SLC13A5: variants seen among roughly 807,000 people sequenced by gnomAD.
SLC13A5 encodes solute carrier family 13 member 5.
Under a neutral mutation model 56.5 loss-of-function variants are expected in SLC13A5, and 25 were observed. The observed-to-expected ratio is 0.44, with a 90% CI of 0.32 to 0.62. The LOEUF (loss-of-function observed/expected upper bound fraction) is 0.62, where lower values mean the gene tolerates loss of function less well. Ranked by LOEUF, SLC13A5 falls within the 20% of genes least tolerant of loss-of-function variation. The pLI is 0.04. For synonymous variants in SLC13A5, 307 were observed against 301.5 expected, an observed-to-expected ratio of 1.02 and a Z score of -0.19; for missense variants, 649 against 737.8, an observed-to-expected ratio of 0.88 and a Z score of 1.39.
In SLC13A5 at chr17:6,692,376, A is replaced by C. The variant is rs1973437210; in HGVS notation, c.1275+668T>G. 6.6e-6 allele frequency among the ~76,000 whole-genome samples: 1 copy of C among 152,108 alleles called. No homozygotes were observed. The highest frequency in any genetic ancestry group is 2.4e-5 in the African/African-American group (1 of 41,408). On this transcript the variant is annotated intron_variant, in intron 9 of 11. Coordinates refer to ENST00000433363, the MANE Select transcript of SLC13A5 (RefSeq NM_177550.5). The surrounding 1 kb of genome is among the most constrained non-coding windows in gnomAD (Gnocchi z 5.5). ...GATGGATTTGTTCACCTCCGCAAAA[A>C]CTTAGCACCCACTAGGCACCAGGCT... is the stretch of plus-strand genomic sequence containing the variant.
Position 6,687,565 on chromosome 17 carries a change from G to C in SLC13A5, c.1539C>G (p.Ile513Met). Residue 513 changes from isoleucine (I) to methionine (M), a missense_variant, in exon 11 of 12, where the codon ATC (isoleucine) becomes ATG (methionine). Coordinates refer to ENST00000433363, the MANE Select transcript of SLC13A5 (RefSeq NM_177550.5). The surrounding 1 kb of genome is among the most constrained non-coding windows in gnomAD (Gnocchi z 5.0). ...CCTTGAGGTGCCCATAGGTGAACAC[G>C]ATGGCATTTGGAGGGGTGGCCACAG... ...MLPVATPPNA[I>M]VFTYGHLKVA... is the part of the protein sequence containing the mutation. 6.2e-7 allele frequency: 1 copy of C among 1,613,858 alleles called. No individual in the cohort carries two copies. The highest frequency in any genetic ancestry group is 1.1e-5 in the South Asian group (1 of 90,972).
rs577711047 is a variant in SLC13A5 at position 6,701,410 on chromosome 17, C to T, written c.717-284G>A. Among the ~76,000 whole-genome samples, 4 of 152,308 alleles carry T rather than the reference C, an allele frequency of 2.6e-5. No homozygotes were observed. The highest frequency in any genetic ancestry group is 9.6e-5 in the African/African-American group (4 of 41,572). On this transcript the variant is annotated intron_variant, in intron 5 of 11. Transcript: ENST00000433363. This position sits in a 1 kb window ranked among gnomAD's most constrained non-coding sequence, Gnocchi z 4.1. Reference sequence around the variant, plus strand: ...CTCATGGAAGTTATGGCCCATCCCTCCAGAAAAATACAACTTTGTGGCCGG... The same window carrying T: ...CTCATGGAAGTTATGGCCCATCCCTTCAGAAAAATACAACTTTGTGGCCGG...
At chr17:6,690,673 C>T in intron 10 of SLC13A5, 106 bp downstream of exon 10, 2 of 1,517,084 alleles carry the variant, frequency 1.3e-6, no homozygotes, top group South Asian at 1.2e-5. Flanking sequence ...GTCTCCAAAG[C>T]CTGGTCTGAG....
At chr17:6,702,469 C>T (rs917385781) in intron 5 of SLC13A5, among the ~76,000 whole-genome samples, 1 of 152,218 alleles carries the variant, frequency 6.6e-6, no homozygotes, top group African/African-American at 2.4e-5. Flanking sequence ...GACCCAACCC[C>T]AGCCCTTCAT....
Position 6,693,208 on chromosome 17 carries a change from C to T in SLC13A5, c.1157-46G>A. The T allele has an allele frequency of 5.3e-6, 5 of 952,380 alleles. No homozygotes were observed. The East Asian group carries it at 1.0e-4, about 20-fold the overall frequency. The allele number at this position is 952,380 out of a possible 1,614,324, so 59.0% of individuals were successfully genotyped here. Reference sequence around the variant, plus strand: ...ACACACACACACACACACACACACACACACACACACACACACACACACCAG... The same window carrying T: ...ACACACACACACACACACACACACATACACACACACACACACACACACCAG... On this transcript the variant is annotated intron_variant, in intron 8 of 11. Transcript: ENST00000433363.
At position 6,686,192 on chromosome 17, in the gene SLC13A5, G is replaced by A; in HGVS notation, c.*15C>T. The A allele has an allele frequency of 1.9e-6, 3 of 1,614,102 alleles. No homozygotes were observed. Among genetic ancestry groups the A allele is most frequent in the Non-Finnish European group, 2.5e-6 (3 of 1,179,982 alleles). On this transcript the variant is annotated 3_prime_UTR_variant, in exon 12 of 12. Coordinates refer to ENST00000433363, the MANE Select transcript of SLC13A5 (RefSeq NM_177550.5). Reference sequence around the variant, plus strand: ...GAGGAGGGTAAGGGCTGTGTGTGTGGTCTTGTGGCTCTTCCTAAGTCTCAA... The same window carrying A: ...GAGGAGGGTAAGGGCTGTGTGTGTGATCTTGTGGCTCTTCCTAAGTCTCAA...
In SLC13A5 at chr17:6,694,195, T is replaced by C. The variant is rs1202144008; in HGVS notation, c.1058A>G (p.Tyr353Cys). ...GATGGCCACAGTGGCATCGGAGACATACCTAGGTGGGGAAAAGCACAGCTC... is the reference window on the plus strand; with the variant it reads ...GATGGCCACAGTGGCATCGGAGACACACCTAGGTGGGGAAAAGCACAGCTC... ...TVAWVEGETK[Y>C]VSDATVAIFV... The change falls in exon 8 of 12, where the codon TAT becomes TGT. Residue 353 changes from tyrosine to cysteine, a missense_variant and splice_region_variant. Coordinates refer to ENST00000433363, the MANE Select transcript of SLC13A5 (RefSeq NM_177550.5). 3.7e-6 allele frequency: 6 copies of C among 1,601,908 alleles called. No individual in the cohort carries two copies. In the South Asian group the frequency reaches 6.6e-5, roughly 18 times the overall value.
intron 1 of SLC13A5, among the ~76,000 whole-genome samples, chr17:6,708,993 CTTT>C (rs575087645): frequency 4.5e-5 from 6 of 133,008 alleles, no homozygotes; most frequent in African/African-American, 5.5e-5. Context: ...TCTTTTATTT[CTTT>C]TTTTTTTTTT....
Position 6,685,567 on chromosome 17 carries a change from G to A in SLC13A5, c.*640C>T, listed in dbSNP as rs1235146958. 1 of 153,634 alleles carries A rather than the reference G, an allele frequency of 6.5e-6. No individual in the cohort carries two copies. The highest frequency in any genetic ancestry group is 1.4e-5 in the Non-Finnish European group (1 of 68,994). 9.5% of individuals were successfully genotyped at this position (153,634 alleles called of 1,614,324 possible). The stretch of plus-strand genomic sequence containing the variant: ...TGGTGCACTGTGGGTGGCAAGCCAG[G>A]TGTCGTCCTGAAGTTGGCAACTCAG... On this transcript the variant is annotated 3_prime_UTR_variant, in exon 12 of 12. Coordinates refer to ENST00000433363, the MANE Select transcript of SLC13A5 (RefSeq NM_177550.5). The surrounding 1 kb of genome is among the most constrained non-coding windows in gnomAD (Gnocchi z 4.2).
chr17:6,704,634 C>T lies in SLC13A5; in HGVS notation c.369-578G>A, dbSNP rs1006576467. 71 of 241,436 alleles carry T rather than the reference C, an allele frequency of 2.9e-4. 1 individual carries two copies. Among genetic ancestry groups the T allele is most frequent in the Admixed American group, 1.1e-3 (23 of 21,388 alleles). 15.0% of individuals were successfully genotyped at this position (241,436 alleles called of 1,614,324 possible). A position where few individuals can be genotyped will look rare whatever the true frequency, so the allele number is the denominator to read the frequency against. ...CAACCCTGCCATCTCCCCTCCGCCC[C>T]GCACATACACTTTGACCCCTCCATG... On this transcript the variant is annotated intron_variant, in intron 3 of 11. Transcript: ENST00000433363.
intron 4 of SLC13A5, among the ~76,000 whole-genome samples, chr17:6,703,650 A>G (rs1973779305): frequency 6.6e-6 from 1 of 152,234 alleles, no homozygotes; most frequent in African/African-American, 2.4e-5. Context: ...AACTGATGGG[A>G]ACTGAGGGTG....
Position 6,692,274 on chromosome 17 carries a change from T to TGGATGGATGGAC in SLC13A5, c.1275+769_1275+770insGTCCATCCATCC, listed in dbSNP as rs1555541188. ...ATGGATGGATGGATGGATGGATGGA[T>TGGATGGATGGAC]GGACGGATGGACGGACGGATGGATG... is the stretch of plus-strand genomic sequence containing the variant. On this transcript the variant is annotated intron_variant, in intron 9 of 11. Transcript: ENST00000433363. The surrounding 1 kb of genome is among the most constrained non-coding windows in gnomAD (Gnocchi z 5.5). 2.0e-5 allele frequency among the ~76,000 whole-genome samples: 3 copies of TGGATGGATGGAC among 149,216 alleles called. No homozygotes were observed. The highest frequency in any genetic ancestry group is 2.0e-4 in the Admixed American group (3 of 15,022).
intron 1 of SLC13A5, among the ~76,000 whole-genome samples, chr17:6,710,505 T>A (rs1973992148): frequency 6.6e-6 from 1 of 152,066 alleles, no homozygotes; most frequent in Non-Finnish European, 1.5e-5. Flanking sequence ...CACTGTGCGT[T>A]CCTGGAGGAG....
intron 1 of SLC13A5, among the ~76,000 whole-genome samples, chr17:6,710,710 A>G (rs999514592): frequency 6.6e-6 from 1 of 152,036 alleles, no homozygotes; most frequent in Non-Finnish European, 1.5e-5. Context: ...CAACATTAAC[A>G]AGGCAGGGTG....
At chr17:6,694,041 C>G in intron 8 of SLC13A5, 56 bp downstream of exon 8, 2 of 1,228,176 alleles carry the variant, frequency 1.6e-6, no homozygotes, top group Admixed American at 1.9e-5. Context: ...CCATAGTGAC[C>G]CTTTGGTTCC....
In SLC13A5 at chr17:6,687,876, T is replaced by G. The variant is rs1597653577; in HGVS notation, c.1438-210A>C. ...CAGAGGCCACCTGCCCTAGAAGGCC[T>G]TACCCCCTCAATTCATTCGACATGT... On this transcript the variant is annotated intron_variant, in intron 10 of 11. Transcript: ENST00000433363. The surrounding 1 kb of genome is among the most constrained non-coding windows in gnomAD (Gnocchi z 5.0). 3 of 515,646 alleles carry G rather than the reference T, an allele frequency of 5.8e-6. No homozygotes were observed. In the East Asian group the frequency reaches 1.1e-4, roughly 18 times the overall value. The allele number at this position is 515,646 out of a possible 1,614,324, so 31.9% of individuals were successfully genotyped here. A position where few individuals can be genotyped will look rare whatever the true frequency, so the allele number is the denominator to read the frequency against.
intron 4 of SLC13A5, among the ~76,000 whole-genome samples, chr17:6,703,558 A>C (rs1039024065): frequency 2.0e-5 from 3 of 152,188 alleles, no homozygotes; most frequent in Non-Finnish European, 2.9e-5. Context: ...GAGGATGAGC[A>C]GGAGTAGCAA....
At chr17:6,694,674 C>G (rs1471599770) in intron 7 of SLC13A5, among the ~76,000 whole-genome samples, 1 of 152,098 alleles carries the variant, frequency 6.6e-6, no homozygotes, top group Non-Finnish European at 1.5e-5. Flanking sequence ...AAGATGCCCA[C>G]ACTCTTGACC....
chr17:6,691,796 C>T (rs567021588), intron 9 of SLC13A5, among the ~76,000 whole-genome samples: 1 of 152,208 alleles, frequency 6.6e-6, no homozygotes, highest in Non-Finnish European at 1.5e-5. Context: ...TCCTCATGTG[C>T]AGATCTGACC....
Sources: allele counts gnomAD v4.1 joint callset (sites outside exome capture counted in the v4.1 genomes callset), GRCh38; gene constraint gnomAD v4.1.1; non-coding constraint Gnocchi (gnomAD v3.1); transcripts MANE v1.5; gene names NCBI Gene and HGNC (gene_info 2026-07-23, HGNC 2026-07-21).